DNAH8: variants seen among roughly 807,000 people sequenced by gnomAD.
DNAH8 encodes the protein dynein axonemal heavy chain 8.
Under a neutral mutation model 562.1 loss-of-function variants are expected in DNAH8, and 382 were observed. The ratio of observed to expected loss-of-function variants is 0.68; its 90% CI spans 0.63 to 0.74. DNAH8 has a LOEUF of 0.74. Ranked by LOEUF, DNAH8 falls within the 30% of genes least tolerant of loss-of-function variation. DNAH8 has a pLI of 0.00. For missense variants in DNAH8, 5,203 were observed against 5,620.4 expected (o/e 0.93, Z 2.37); for synonymous variants, 1,881 against 1,919.4 (o/e 0.98, Z 0.52).
At chr6:38,931,203 TAA>T (rs1199524456) in intron 75 of DNAH8, 2 of 152,158 alleles carry the variant, frequency 1.3e-5, no homozygotes, top group African/African-American at 2.4e-5. Context: ...TTAAGTCATT[TAA>T]AAATTCTATG....
At chr6:38,781,825 C>G (rs1738250) in intron 16 of DNAH8, among the ~76,000 whole-genome samples, 1 of 152,066 alleles carries the variant, frequency 6.6e-6, no homozygotes, top group Non-Finnish European at 1.5e-5. Flanking sequence ...ACAGTTGATT[C>G]ATTCTCTATG....
intron 82 of DNAH8, among the ~76,000 whole-genome samples, chr6:38,961,299 A>G (rs920112677): frequency 3.3e-5 from 5 of 152,034 alleles, no homozygotes; most frequent in African/African-American, 1.2e-4. Context: ...AGAATATTGA[A>G]TGCTCTGAAC....
At chr6:38,945,632 C>T in intron 80 of DNAH8, 44 bp downstream of exon 80, 1 of 1,611,040 alleles carries the variant, frequency 6.2e-7, no homozygotes, top group Non-Finnish European at 8.5e-7. Flanking sequence ...TCTGCAAACC[C>T]AAACATACCT....
At chr6:39,017,034 A>T (rs1766616286) in intron 91 of DNAH8, among the ~76,000 whole-genome samples, 1 of 152,208 alleles carries the variant, frequency 6.6e-6, no homozygotes, top group African/African-American at 2.4e-5. Context: ...ACCATGTGGC[A>T]ATTAGACTGG....
At chr6:38,953,163 G>C (rs1048349209) in intron 82 of DNAH8, 1 of 152,172 alleles carries the variant, frequency 6.6e-6, no homozygotes, top group African/African-American at 2.4e-5. Flanking sequence ...ATGGTTCCAA[G>C]TTCCAATATC....
intron 17 of DNAH8, among the ~76,000 whole-genome samples, chr6:38,785,386 CATT>C (rs1286456631): frequency 4.6e-5 from 7 of 152,122 alleles, no homozygotes; most frequent in Admixed American, 3.9e-4. Flanking sequence ...TCCTGACTGT[CATT>C]ATTGGTCTGT....
intron 62 of DNAH8, among the ~76,000 whole-genome samples, chr6:38,904,792 C>CAAAAAA (rs759782655): frequency 3.4e-4 from 29 of 86,136 alleles, no homozygotes; most frequent in Middle Eastern, 7.0e-3. Flanking sequence ...AACTCCGTCT[C>CAAAAAA]AAAAAAAAAA....
At chr6:38,819,969 A>G (rs1479802989) in intron 26 of DNAH8, among the ~76,000 whole-genome samples, 1 of 152,232 alleles carries the variant, frequency 6.6e-6, no homozygotes, top group East Asian at 1.9e-4. Context: ...GAAGACAAGA[A>G]TAAGTCCACA....
At chr6:38,972,398 A>G (rs1002274973) in intron 83 of DNAH8, among the ~76,000 whole-genome samples, 1 of 151,992 alleles carries the variant, frequency 6.6e-6, no homozygotes, top group African/African-American at 2.4e-5. Context: ...CCAGCTAGTC[A>G]TTAATTCTCA....
In DNAH8 at chr6:38,938,965, G is replaced by C; in HGVS notation, c.11984G>C (p.Arg3995Thr). 1 of 1,613,256 alleles carries C rather than the reference G, an allele frequency of 6.2e-7. No homozygotes were observed. Among genetic ancestry groups the C allele is most frequent in the Non-Finnish European group, 8.5e-7 (1 of 1,179,664 alleles). Residue 3995 changes from arginine to threonine, a missense_variant, in exon 79 of 93, where the codon AGA becomes ACA. By Grantham distance (71) the Arg-to-Thr change is moderately conservative (BLOSUM62 -1). Transcript: ENST00000327475. ...CTTCAGAGAGGGACAGTTAAGCACA[G>C]AGAGTTTCAAGCTCTCATTAAAGGT... ...IDLQRGTVKH[R>T]EFQALIKGGA...
intron 36 of DNAH8, among the ~76,000 whole-genome samples, chr6:38,846,399 G>A (rs561484054): frequency 6.6e-6 from 1 of 152,244 alleles, no homozygotes; most frequent in Admixed American, 6.5e-5. Context: ...CTTTGGCACT[G>A]GCAACCTCTA....
At chr6:38,875,989 T>C (rs776872674) in intron 53 of DNAH8, among the ~76,000 whole-genome samples, 161 bp downstream of exon 53, 2 of 152,252 alleles carry the variant, frequency 1.3e-5, no homozygotes, top group Non-Finnish European at 2.9e-5. Context: ...AGTGGAATTT[T>C]GCATATGAAT....
At chr6:38,759,979 G>A (rs2127606173) in intron 10 of DNAH8, among the ~76,000 whole-genome samples, 2 of 152,214 alleles carry the variant, frequency 1.3e-5, no homozygotes, top group Middle Eastern at 6.8e-3. Context: ...CCTGAATAAA[G>A]TCTCTTGCTT....
chr6:38,981,885 T>A (rs1764060497), intron 85 of DNAH8, among the ~76,000 whole-genome samples: 1 of 152,250 alleles, frequency 6.6e-6, no homozygotes, highest in Non-Finnish European at 1.5e-5. Context: ...ATATGCCACA[T>A]AACGTTTCAG....
intron 32 of DNAH8, among the ~76,000 whole-genome samples, chr6:38,836,743 T>C (rs1774337712): frequency 6.6e-6 from 1 of 152,006 alleles, no homozygotes; most frequent in Admixed American, 6.5e-5. Context: ...AGAGGTGCCT[T>C]ATATTGGGCC....
intron 42 of DNAH8, among the ~76,000 whole-genome samples, chr6:38,858,662 T>C (rs1477320445): frequency 1.3e-5 from 2 of 152,226 alleles, no homozygotes; most frequent in Non-Finnish European, 2.9e-5. Context: ...TCTTAGGAGA[T>C]TCATATGCAT....
Position 38,870,486 on chromosome 6 carries a change from T to C in DNAH8, c.6914T>C (p.Leu2305Pro). ...LQLDSNTYAE[L>P]QNAVAHQVQI... ...CTGGATAGTAATACTTATGCAGAAC[T>C]GCAAAACGCAGTAGCCCATCAGGTT... is the stretch of plus-strand genomic sequence containing the variant. Residue 2305 changes from leucine to proline, a missense_variant, in exon 49 of 93, where the codon CTG becomes CCG. This residue lies in a region of DNAH8 where 2,176 missense variants were observed against 2,365.1 expected (regional missense o/e 0.92). Transcript: ENST00000327475. 16 of 1,614,128 alleles carry C rather than the reference T, an allele frequency of 9.9e-6. No individual in the cohort carries two copies. Among genetic ancestry groups the C allele is most frequent in the Non-Finnish European group, 1.4e-5 (16 of 1,179,976 alleles).
chr6:38,812,421 G>A (rs2150315192), intron 24 of DNAH8, among the ~76,000 whole-genome samples: 1 of 152,328 alleles, frequency 6.6e-6, no homozygotes, highest in South Asian at 2.1e-4. Context: ...AGGCATACAT[G>A]AGGATAGTAC....
At chr6:38,778,002 G>A (rs1235571713) in intron 13 of DNAH8, among the ~76,000 whole-genome samples, 1 of 152,084 alleles carries the variant, frequency 6.6e-6, no homozygotes, top group Non-Finnish European at 1.5e-5. Context: ...TTTTCTAGTA[G>A]CCATTGAATA....
Sources: allele counts gnomAD v4.1 joint callset (sites outside exome capture counted in the v4.1 genomes callset), GRCh38; gene constraint gnomAD v4.1.1; regional missense constraint gnomAD v4.1.1; transcripts MANE v1.5; gene names NCBI Gene and HGNC (gene_info 2026-07-23, HGNC 2026-07-21).